Variants in FOXP1 observed in about 807,000 individuals in gnomAD.
FOXP1 encodes forkhead box protein P1.
In FOXP1, 15 loss-of-function variants were observed where a neutral mutation model predicts 98.2. The ratio of observed to expected loss-of-function variants is 0.15; its 90% CI spans 0.10 to 0.24. The LOEUF is 0.24. Ranked by LOEUF, FOXP1 falls within the 10% of genes least tolerant of loss-of-function variation. FOXP1 has a pLI of 1.00. For missense variants in FOXP1, 633 were observed against 848.5 expected (o/e 0.75, Z 3.15); for synonymous variants, 371 against 314.5 (o/e 1.18, Z -1.90).
At chr3:71,051,452 C>A (rs1200781207) in intron 9 of FOXP1, among the ~76,000 whole-genome samples, 16 of 152,138 alleles carry the variant, frequency 1.1e-4, no homozygotes. Flanking sequence ...ATGTCTGGGT[C>A]ACTCCCAGGG....
At chr3:71,451,544 T>C (rs1472666682) in intron 3 of FOXP1, among the ~76,000 whole-genome samples, 2 of 152,188 alleles carry the variant, frequency 1.3e-5, no homozygotes, top group Non-Finnish European at 2.9e-5. Flanking sequence ...AGTTTTTTTT[T>C]TAACACCCCC....
At chr3:71,217,224 C>G (rs2108489135) in intron 5 of FOXP1, among the ~76,000 whole-genome samples, 1 of 152,136 alleles carries the variant, frequency 6.6e-6, no homozygotes, top group Admixed American at 6.6e-5. Context: ...AGGCATGTGC[C>G]ACCACGCCCA....
At chr3:71,240,604 G>C (rs1008538951) in intron 5 of FOXP1, among the ~76,000 whole-genome samples, 5 of 151,910 alleles carry the variant, frequency 3.3e-5, no homozygotes, top group African/African-American at 1.2e-4. Context: ...GTGTAGTGGC[G>C]CGATCTCGGC....
intron 2 of FOXP1, among the ~76,000 whole-genome samples, chr3:71,506,497 C>G (rs1020899929): frequency 1.3e-5 from 2 of 152,314 alleles, no homozygotes; most frequent in African/African-American, 4.8e-5. Flanking sequence ...GTTTTCTTTT[C>G]CAACTAGCTG....
At chr3:71,563,561 T>C (rs2046695747) in intron 2 of FOXP1, among the ~76,000 whole-genome samples, 1 of 152,242 alleles carries the variant, frequency 6.6e-6, no homozygotes, top group African/African-American at 2.4e-5. Flanking sequence ...TGAGAATATT[T>C]AAACATTTGG....
At chr3:71,361,695 C>T (rs2078582639) in intron 3 of FOXP1, among the ~76,000 whole-genome samples, 1 of 152,186 alleles carries the variant, frequency 6.6e-6, no homozygotes, top group Non-Finnish European at 1.5e-5. Flanking sequence ...GTCAGCCTGT[C>T]GTTCCAGTGA....
intron 5 of FOXP1, among the ~76,000 whole-genome samples, chr3:71,274,181 T>A (rs1421203100): frequency 6.6e-6 from 1 of 152,210 alleles, no homozygotes; most frequent in East Asian, 1.9e-4. Context: ...TCTGCAGACA[T>A]GTTTTATTCA....
At chr3:71,366,272 T>C (rs1209151414) in intron 3 of FOXP1, among the ~76,000 whole-genome samples, 1 of 152,184 alleles carries the variant, frequency 6.6e-6, no homozygotes, top group Non-Finnish European at 1.5e-5. Context: ...ATAAAATGGG[T>C]AAATTTTATG....
chr3:71,509,578 C>T (rs894732661), intron 2 of FOXP1, among the ~76,000 whole-genome samples: 1 of 152,158 alleles, frequency 6.6e-6, no homozygotes, highest in African/African-American at 2.4e-5. Flanking sequence ...ATTCAACCCA[C>T]AACAGCTCCT....
chr3:71,207,022 G>C (rs966576966), intron 5 of FOXP1, among the ~76,000 whole-genome samples: 5 of 152,178 alleles, frequency 3.3e-5, no homozygotes, highest in African/African-American at 1.2e-4. Context: ...TGCCAATCCA[G>C]TGCTAGGCTG....
chr3:71,507,815 G>C (rs1006120743), intron 2 of FOXP1, among the ~76,000 whole-genome samples: 1 of 152,160 alleles, frequency 6.6e-6, no homozygotes, highest in Non-Finnish European at 1.5e-5. Flanking sequence ...CTGACCTCGT[G>C]ATCCACCCAC....
At chr3:71,362,178 TTTA>T (rs1385864860) in intron 3 of FOXP1, among the ~76,000 whole-genome samples, 5 of 152,168 alleles carry the variant, frequency 3.3e-5, no homozygotes, top group Non-Finnish European at 7.3e-5. Flanking sequence ...TATTTATTCA[TTTA>T]TTTATTTTTG....
intron 2 of FOXP1, among the ~76,000 whole-genome samples, chr3:71,569,658 TAGAGAG>T (rs1049287800): frequency 6.6e-6 from 1 of 151,952 alleles, no homozygotes; most frequent in Admixed American, 6.6e-5. Context: ...CACATACACA[TAGAGAG>T]AGAGAAAGAC....
chr3:71,555,404 C>T (rs2046054067), intron 2 of FOXP1, among the ~76,000 whole-genome samples: 1 of 152,172 alleles, frequency 6.6e-6, no homozygotes, highest in African/African-American at 2.4e-5. Flanking sequence ...ACCATATAAG[C>T]ATCTCACACA....
intron 4 of FOXP1, among the ~76,000 whole-genome samples, chr3:71,355,379 A>C (rs1403500307): frequency 1.3e-5 from 2 of 152,186 alleles, no homozygotes; most frequent in Non-Finnish European, 2.9e-5. Flanking sequence ...TAACATATGG[A>C]ACAAACAAGA....
chr3:71,146,060 G>A (rs970015576), intron 6 of FOXP1, among the ~76,000 whole-genome samples: 4 of 152,178 alleles, frequency 2.6e-5, no homozygotes, highest in African/African-American at 7.2e-5. Flanking sequence ...AATGCAACCC[G>A]GAAGCTGTGG....
intron 4 of FOXP1, among the ~76,000 whole-genome samples, chr3:71,314,163 G>A (rs189839591): frequency 7.2e-5 from 11 of 152,304 alleles, no homozygotes; most frequent in East Asian, 1.9e-4. Flanking sequence ...CCGTTATTAC[G>A]ATCAGGGATG....
At chr3:71,490,367 G>A (rs991476439) in intron 3 of FOXP1, among the ~76,000 whole-genome samples, 6 of 152,010 alleles carry the variant, frequency 3.9e-5, no homozygotes, top group Non-Finnish European at 7.4e-5. Flanking sequence ...GTGTGGTGGT[G>A]GGCACCTGCA....
chr3:70,984,293 G>A (rs996345727), intron 14 of FOXP1, among the ~76,000 whole-genome samples: 1 of 152,148 alleles, frequency 6.6e-6, no homozygotes, highest in African/African-American at 2.4e-5. Flanking sequence ...CCAATCAGAG[G>A]GACCGATCTG....
Sources: allele counts gnomAD v4.1 joint callset (sites outside exome capture counted in the v4.1 genomes callset), GRCh38; gene constraint gnomAD v4.1.1; transcripts MANE v1.5; gene names NCBI Gene and HGNC (gene_info 2026-07-23, HGNC 2026-07-21).